Variants in LAMA2 observed in about 807,000 individuals in gnomAD.
LAMA2 encodes the protein laminin subunit alpha-2.
A neutral mutation model predicts 364.8 loss-of-function variants in LAMA2; 269 were observed. The ratio of observed to expected loss-of-function variants is 0.74; its 90% CI spans 0.67 to 0.82. The LOEUF (loss-of-function observed/expected upper bound fraction) is 0.82, where lower values mean the gene tolerates loss of function less well. Among genes scored for constraint, LAMA2 ranks in the 40% least tolerant of loss-of-function variants. The pLI, the probability that LAMA2 is intolerant of heterozygous loss-of-function variation, is 0.00. For missense variants in LAMA2, 3,807 were observed against 3,873.2 expected, an observed-to-expected ratio of 0.98 and a Z score of 0.45; for synonymous variants, 1,379 against 1,370.6, an observed-to-expected ratio of 1.01 and a Z score of -0.14.
intron 1 of LAMA2, among the ~76,000 whole-genome samples, chr6:129,007,337 CTCTG>C (rs780053353): frequency 4.1e-4 from 62 of 152,266 alleles, no homozygotes; most frequent in South Asian, 3.3e-3. Flanking sequence ...AAAACAGGGA[CTCTG>C]TCTGTCATCT....
At position 129,366,374 on chromosome 6, in the gene LAMA2, A is replaced by C; in HGVS notation, c.4860+13A>C. The C allele has an allele frequency of 6.2e-7, 1 of 1,613,150 alleles. No individual in the cohort carries two copies. The highest frequency in any genetic ancestry group is 1.1e-5 in the South Asian group (1 of 90,998). ...TCAGGAGCTAAAGGTAGGTTGGTGC[A>C]GTCACAAGCAAGGGCCAGGGACAAG... On this transcript the variant is annotated intron_variant, in intron 33 of 64. Coordinates refer to ENST00000421865, the MANE Select transcript of LAMA2 (RefSeq NM_000426.4).
At chr6:129,010,436 CA>C (rs1301758391) in intron 1 of LAMA2, among the ~76,000 whole-genome samples, 1 of 152,184 alleles carries the variant, frequency 6.6e-6, no homozygotes, top group Non-Finnish European at 1.5e-5. Flanking sequence ...CGCTCACACA[CA>C]TAGTGGATTT....
intron 12 of LAMA2, among the ~76,000 whole-genome samples, chr6:129,230,115 A>T (rs1784589573): frequency 6.6e-6 from 1 of 152,144 alleles, no homozygotes. Context: ...TGGGCCCTAT[A>T]GCACCCCAAC....
intron 3 of LAMA2, among the ~76,000 whole-genome samples, chr6:129,092,863 A>T (rs982354668): frequency 3.9e-5 from 6 of 152,166 alleles, no homozygotes; most frequent in African/African-American, 1.4e-4. Flanking sequence ...CAGAAGTCCT[A>T]TGGCCTTATT....
intron 48 of LAMA2, among the ~76,000 whole-genome samples, chr6:129,459,876 T>C (rs1194627228): frequency 2.0e-5 from 3 of 152,168 alleles, no homozygotes; most frequent in South Asian, 4.1e-4. Flanking sequence ...GACAAAAGAA[T>C]AGAATTGTGG....
At chr6:129,467,568 G>T (rs1423998202) in intron 51 of LAMA2, among the ~76,000 whole-genome samples, 1 of 151,868 alleles carries the variant, frequency 6.6e-6, no homozygotes, top group Non-Finnish European at 1.5e-5. Context: ...ATTGGCTAAT[G>T]CTATAAACTC....
chr6:128,887,463 T>G (rs1447195811), intron 1 of LAMA2, among the ~76,000 whole-genome samples: 2 of 152,080 alleles, frequency 1.3e-5, no homozygotes, highest in Non-Finnish European at 2.9e-5. Flanking sequence ...AAAATTTATA[T>G]AAATTTTATA....
At chr6:129,433,377 C>T (rs1220836794) in intron 41 of LAMA2, among the ~76,000 whole-genome samples, 1 of 152,152 alleles carries the variant, frequency 6.6e-6, no homozygotes, top group Non-Finnish European at 1.5e-5. Context: ...TTCTTTCCTA[C>T]CCAGGTCTCA....
chr6:128,917,573 C>A (rs1778401852), intron 1 of LAMA2, among the ~76,000 whole-genome samples: 1 of 152,022 alleles, frequency 6.6e-6, no homozygotes, highest in Admixed American at 6.6e-5. Context: ...AGCACTAGTT[C>A]TTCCCCATGG....
chr6:129,512,299 TAC>T, intron 62 of LAMA2, 62 bp from the exon 63 acceptor site: 1 of 1,462,188 alleles, frequency 6.8e-7, no homozygotes, highest in East Asian at 2.3e-5. Context: ...TCATGCATTG[TAC>T]ACGTTTGAAT....
chr6:129,244,876 G>A (rs265386), intron 12 of LAMA2, among the ~76,000 whole-genome samples: 142,421 of 152,250 alleles, frequency 0.94, 66,912 homozygotes, highest in Non-Finnish European at 0.97. Flanking sequence ...CATGCACACT[G>A]TATTGTTATT....
chr6:129,061,305 G>A (rs946254332), intron 3 of LAMA2, among the ~76,000 whole-genome samples: 1 of 152,118 alleles, frequency 6.6e-6, no homozygotes, highest in Non-Finnish European at 1.5e-5. Flanking sequence ...AAATAATGAT[G>A]CTTTATTGTT....
intron 1 of LAMA2, among the ~76,000 whole-genome samples, chr6:128,939,724 G>A (rs950877319): frequency 6.6e-6 from 1 of 152,108 alleles, no homozygotes; most frequent in African/African-American, 2.4e-5. Context: ...AGCTTGAGTA[G>A]AGACGGGAAT....
intron 1 of LAMA2, among the ~76,000 whole-genome samples, chr6:128,887,110 C>T (rs1014471513): frequency 2.0e-5 from 3 of 152,088 alleles, no homozygotes; most frequent in Non-Finnish European, 2.9e-5. Context: ...TTGAGACAAT[C>T]CTCACACATT....
intron 40 of LAMA2, among the ~76,000 whole-genome samples, chr6:129,411,138 C>T (rs1326581027): frequency 6.6e-6 from 1 of 152,166 alleles, no homozygotes; most frequent in Non-Finnish European, 1.5e-5. Context: ...TTTAGGTGCC[C>T]ATGGCCAGTC....
At chr6:129,446,345 T>C (rs1330084121) in intron 45 of LAMA2, among the ~76,000 whole-genome samples, 2 of 151,428 alleles carry the variant, frequency 1.3e-5, no homozygotes, top group African/African-American at 4.9e-5. Context: ...TTGGAGTAGA[T>C]AGGAAATAGC....
intron 1 of LAMA2, among the ~76,000 whole-genome samples, chr6:128,897,608 T>TTAA (rs1776850482): frequency 6.6e-6 from 1 of 152,220 alleles, no homozygotes; most frequent in Non-Finnish European, 1.5e-5. Context: ...GCTCAGGGTA[T>TTAA]CCCCAAAACC....
At chr6:129,281,121 G>C (rs1788688847) in intron 18 of LAMA2, among the ~76,000 whole-genome samples, 1 of 152,022 alleles carries the variant, frequency 6.6e-6, no homozygotes, top group African/African-American at 2.4e-5. Flanking sequence ...CTATTTGTGA[G>C]TATGGAAGCA....
At chr6:129,491,142 AC>A (rs1421714956) in intron 56 of LAMA2, 1 of 152,254 alleles carries the variant, frequency 6.6e-6, no homozygotes, top group Non-Finnish European at 1.5e-5. Flanking sequence ...GACTAATAGC[AC>A]CATGATGACT....
Sources: gnomAD v4.1 joint callset for allele counts (sites outside exome capture counted in the v4.1 genomes callset) on GRCh38, gnomAD v4.1.1 for gene constraint, MANE v1.5 for transcripts, NCBI Gene and HGNC (gene_info 2026-07-23, HGNC 2026-07-21) for gene names.